The following BNIP5 variants were observed in gnomAD, a reference collection of about 807,000 sequenced individuals.
BNIP5 encodes BCL2 interacting protein 5.
A neutral mutation model predicts 67.3 loss-of-function variants in BNIP5; 61 were observed. The ratio of observed to expected loss-of-function variants is 0.91; its 90% CI spans 0.74 to 1.12. The LOEUF is 1.12. Ranked by LOEUF, BNIP5 falls within the 50% of genes most tolerant of loss-of-function variation. The pLI is 0.00. For synonymous variants in BNIP5, 317 were observed against 319.0 expected (o/e 0.99, Z 0.07); for missense variants, 826 against 816.3 (o/e 1.01, Z -0.14).
chr6:36,333,823 T>G (rs376734727), intron 1 of BNIP5, among the ~76,000 whole-genome samples: 5 of 152,320 alleles, frequency 3.3e-5, no homozygotes, highest in African/African-American at 1.2e-4. Flanking sequence ...TACTGAACGG[T>G]GTCAGGGTTC....
rs147450730 is a variant in BNIP5 at position 36,330,507 on chromosome 6, G to A, written c.184C>T (p.Pro62Ser). Residue 62 changes from proline (P) to serine (S), a missense_variant, in exon 2 of 12, where the codon CCA (proline) becomes TCA (serine). Physicochemically the swap from Pro to Ser is moderately conservative, Grantham distance 74. Coordinates refer to ENST00000437635, the MANE Select transcript of BNIP5 (RefSeq NM_001010903.5). The part of the protein sequence containing the change: ...TSDWARHSDS[P>S]APSAEAHCTT... Reference sequence around the variant, plus strand: ...CAGTGAGCCTCTGCAGATGGAGCTGGGCTGTCTGAATGTCTGGCCCAATCA... The same window carrying A: ...CAGTGAGCCTCTGCAGATGGAGCTGAGCTGTCTGAATGTCTGGCCCAATCA... The A allele has an allele frequency of 6.9e-5, 112 of 1,614,146 alleles. No individual in the cohort carries two copies. Among genetic ancestry groups the A allele is most frequent in the Non-Finnish European group, 8.8e-5 (104 of 1,180,022 alleles).
At chr6:36,329,246 C>T (rs943750528) in intron 2 of BNIP5, among the ~76,000 whole-genome samples, 1 of 152,234 alleles carries the variant, frequency 6.6e-6, no homozygotes, top group African/African-American at 2.4e-5. Flanking sequence ...CTTTGCTCCT[C>T]ACCCAGCTCC....
In BNIP5 at chr6:36,330,196, C is replaced by T. The variant is rs374874024; in HGVS notation, c.495G>A (p.Ala165=). Residue 165 remains alanine, a synonymous_variant, in exon 2 of 12, where the codon GCG becomes GCA. Coordinates refer to ENST00000437635, the MANE Select transcript of BNIP5 (RefSeq NM_001010903.5). ...SRKKQGHKKH[A]AEVTKAAQDQ... is the part of the protein sequence containing the mutation. ...CTTGAGCTGCCTTAGTCACCTCGGC[C>T]GCGTGTTTCTTGTGACCTTGCTTCT... The T allele has an allele frequency of 4.5e-5, 73 of 1,613,984 alleles. No homozygotes were observed. Among genetic ancestry groups the T allele is most frequent in the Middle Eastern group, 1.6e-4 (1 of 6,084 alleles).
chr6:36,326,799 G>C (rs376260926), intron 4 of BNIP5, 46 bp from the exon 5 acceptor site: 76 of 1,609,766 alleles, frequency 4.7e-5, no homozygotes, highest in Non-Finnish European at 6.2e-5. Context: ...GACACTGAGA[G>C]GGGGAAAGCT....
rs1561886411 is a variant in BNIP5 at position 36,330,461 on chromosome 6, G to GT, written c.229dup (p.Thr77AsnfsTer37). ...GAGAAAATCTCCGGTCTCCTCGGGAGTGGGGGCTGCAGCGGTGGTGCAGTG... is the reference window on the plus strand; with the variant it reads ...GAGAAAATCTCCGGTCTCCTCGGGAGTTGGGGGCTGCAGCGGTGGTGCAGTG... On this transcript the variant is annotated frameshift_variant, in exon 2 of 12. Coordinates refer to ENST00000437635, the MANE Select transcript of BNIP5 (RefSeq NM_001010903.5). LOFTEE classifies it high-confidence loss of function. The GT allele has an allele frequency of 6.2e-7, 1 of 1,614,206 alleles. No individual in the cohort carries two copies. Among genetic ancestry groups the GT allele is most frequent in the South Asian group, 1.1e-5 (1 of 91,082 alleles).
At chr6:36,329,878 A>G (rs1771845973) in intron 2 of BNIP5, among the ~76,000 whole-genome samples, 1 of 148,306 alleles carries the variant, frequency 6.7e-6, no homozygotes, top group Non-Finnish European at 1.5e-5. Context: ...AGAGAGAAAG[A>G]AGAAGGAGGA....
At chr6:36,326,483 G>T in intron 5 of BNIP5, 27 bp downstream of exon 5, 2 of 1,613,056 alleles carry the variant, frequency 1.2e-6, no homozygotes, top group East Asian at 2.2e-5. Flanking sequence ...CTGCAGGGTT[G>T]CTATGGCAAC....
chr6:36,317,238 T>C lies in BNIP5; in HGVS notation c.*118A>G. The C allele has an allele frequency of 1.2e-6, 1 of 836,112 alleles. No individual in the cohort carries two copies. Among genetic ancestry groups the C allele is most frequent in the Non-Finnish European group, 2.1e-6 (1 of 471,508 alleles). 51.8% of individuals were successfully genotyped at this position (836,112 alleles called of 1,614,324 possible). A position where few individuals can be genotyped will look rare whatever the true frequency, so the allele number is the denominator to read the frequency against. On this transcript the variant is annotated 3_prime_UTR_variant, in exon 12 of 12. Transcript: ENST00000437635. The stretch of plus-strand genomic sequence containing the variant: ...GACACAGAATGATTGTCTGCTCTTG[T>C]CTTCCATCACGTTTGTGAAGCAGGG...
In BNIP5 at chr6:36,330,108, C is replaced by T. The variant is rs149597798; in HGVS notation, c.583G>A (p.Glu195Lys). 2.5e-5 allele frequency: 40 copies of T among 1,609,102 alleles called. No homozygotes were observed. The African/African-American group carries it at 5.2e-4, about 21-fold the overall frequency. The change falls in exon 2 of 12, where the codon GAG (glutamate) becomes AAG (lysine). Residue 195 changes from glutamate (E) to lysine (K), a missense_variant. By Grantham distance (56) the Glu-to-Lys change is moderately conservative. Transcript: ENST00000437635. ...CTGCGAGCTGGGCCCAGGTCAGCCT[C>T]CCCGGAGCGCAAGGCAGCAGCTGCC... is the stretch of plus-strand genomic sequence containing the variant. The part of the protein sequence containing the change: ...SKAAAALRSG[E>K]ADLGPARRGG...
intron 1 of BNIP5, among the ~76,000 whole-genome samples, chr6:36,333,019 A>T (rs891668954): frequency 6.6e-6 from 1 of 152,266 alleles, no homozygotes; most frequent in Non-Finnish European, 1.5e-5. Flanking sequence ...TTCTATTGCT[A>T]TGCTCAGCTT....
At chr6:36,328,448 G>C (rs146520359) in intron 3 of BNIP5, 150 bp downstream of exon 3, 1 of 550,830 alleles carries the variant, frequency 1.8e-6, no homozygotes. Context: ...AGCAAACGTG[G>C]CCAGAAGCAC....
intron 1 of BNIP5, among the ~76,000 whole-genome samples, chr6:36,334,920 C>T (rs545027553): frequency 2.0e-5 from 3 of 152,226 alleles, no homozygotes; most frequent in Non-Finnish European, 4.4e-5. Flanking sequence ...AAGTGAGCAG[C>T]GTGGTCTCAC....
intron 2 of BNIP5, 139 bp downstream of exon 2, chr6:36,329,942 G>GAGGA (rs901398357): frequency 8.3e-6 from 7 of 842,608 alleles, no homozygotes; most frequent in East Asian, 2.6e-5. Context: ...GGAAGGGAGG[G>GAGGA]AGGAAGGAAG....
chr6:36,324,293 A>C, intron 6 of BNIP5, 103 bp from the exon 7 acceptor site: 6 of 981,686 alleles, frequency 6.1e-6, no homozygotes, highest in Non-Finnish European at 9.7e-6. Flanking sequence ...GTGATTCTCC[A>C]AGGGGGCTAA....
intron 11 of BNIP5, among the ~76,000 whole-genome samples, chr6:36,318,030 AG>A (rs1771557078): frequency 6.6e-6 from 1 of 152,222 alleles, no homozygotes; most frequent in Admixed American, 6.5e-5. Flanking sequence ...CATGGTAAGG[AG>A]GATTTCTGAC....
chr6:36,324,086 G>A, intron 7 of BNIP5, 43 bp downstream of exon 7: 1 of 1,489,918 alleles, frequency 6.7e-7, no homozygotes, highest in Non-Finnish European at 9.4e-7. Flanking sequence ...GGGTTGGGGA[G>A]CCCACAGTGA....
At chr6:36,330,748 G>C (rs1359503759) in intron 1 of BNIP5, 54 bp from the exon 2 acceptor site, 6 of 1,480,466 alleles carry the variant, frequency 4.1e-6, no homozygotes, top group Non-Finnish European at 4.5e-6. Flanking sequence ...GTTTTGATTT[G>C]TTTGTTTGTT....
In BNIP5 at chr6:36,321,117, C is replaced by T. The variant is rs779821192; in HGVS notation, c.1668+38G>A. The T allele has an allele frequency of 1.8e-5, 24 of 1,310,762 alleles. No homozygotes were observed. The South Asian group carries it at 2.8e-4, about 16-fold the overall frequency. 81.2% of individuals were successfully genotyped at this position (1,310,762 alleles called of 1,614,324 possible). A position where few individuals can be genotyped will look rare whatever the true frequency, so the allele number is the denominator to read the frequency against. ...ATGGAACCCAGGTGGGTAGATGAGG[C>T]CCTGGGGTTGGCCTGGGGAGGGCTG... On this transcript the variant is annotated intron_variant, in intron 10 of 11. Transcript: ENST00000437635.
chr6:36,323,236 C>T, intron 8 of BNIP5, 57 bp downstream of exon 8: 1 of 1,607,744 alleles, frequency 6.2e-7, no homozygotes, highest in Non-Finnish European at 8.5e-7. Context: ...ACAGGCCACA[C>T]AGCAGCCTTG....
Sources: gnomAD v4.1 joint callset for allele counts (sites outside exome capture counted in the v4.1 genomes callset) on GRCh38, gnomAD v4.1.1 for gene constraint, MANE v1.5 for transcripts, NCBI Gene and HGNC (gene_info 2026-07-23, HGNC 2026-07-21) for gene names.